The following FAM98B variants were observed in gnomAD, a reference collection of about 807,000 sequenced individuals.
FAM98B encodes the protein tRNA splicing ligase complex subunit 3B.
A neutral mutation model predicts 43.9 loss-of-function variants in FAM98B; 32 were observed. The ratio of observed to expected loss-of-function variants is 0.73; its 90% CI spans 0.55 to 0.98. The LOEUF (loss-of-function observed/expected upper bound fraction) is 0.98. Among genes scored for constraint, FAM98B ranks in the 50% least tolerant of loss-of-function variants. The probability of loss-of-function intolerance (pLI) is 0.00; values close to 1 mark genes in which losing one functional copy is unlikely to be tolerated. For synonymous variants in FAM98B, 190 were observed against 174.0 expected (o/e 1.09, Z -0.72); for missense variants, 514 against 522.9 (o/e 0.98, Z 0.17).
At chr15:38,466,144 T>C (rs1890027611) in intron 3 of FAM98B, among the ~76,000 whole-genome samples, 1 of 151,764 alleles carries the variant, frequency 6.6e-6, no homozygotes, top group Non-Finnish European at 1.5e-5. Flanking sequence ...TCCTAGGCGC[T>C]AGTGTTTTAA....
At chr15:38,463,615 G>T (rs568509886) in intron 1 of FAM98B, among the ~76,000 whole-genome samples, 2 of 151,910 alleles carry the variant, frequency 1.3e-5, no homozygotes, top group Non-Finnish European at 2.9e-5. Context: ...TTTTAAATTT[G>T]TAATTTGTGT....
intron 3 of FAM98B, among the ~76,000 whole-genome samples, chr15:38,466,731 A>G (rs1318600441): frequency 6.6e-6 from 1 of 152,156 alleles, no homozygotes; most frequent in Admixed American, 6.5e-5. Context: ...AATGATTAAA[A>G]TGGTAAATTT....
At chr15:38,476,269 GT>G (rs1342635001) in intron 6 of FAM98B, among the ~76,000 whole-genome samples, 1 of 151,878 alleles carries the variant, frequency 6.6e-6, no homozygotes, top group African/African-American at 2.4e-5. Context: ...GTGTTTTTGT[GT>G]GACCTGTTAT....
intron 3 of FAM98B, among the ~76,000 whole-genome samples, chr15:38,469,028 C>G (rs534308481): frequency 3.3e-5 from 5 of 152,304 alleles, no homozygotes; most frequent in South Asian, 2.1e-4. Context: ...GCCTCAGCCT[C>G]CCTAGTAGCT....
At chr15:38,470,439 A>G in intron 4 of FAM98B, 34 bp downstream of exon 4, 4 of 1,539,684 alleles carry the variant, frequency 2.6e-6, no homozygotes, top group African/African-American at 1.4e-5. Flanking sequence ...CCAAAATTCA[A>G]CTGAATGGTA....
Position 38,473,601 on chromosome 15 carries a change from T to A in FAM98B, c.612+16T>A. The stretch of plus-strand genomic sequence containing the variant: ...AGAACAGGCGGTAAATCCCCCTTTT[T>A]GTTATTAGTTTTATGTAATTACATT... On this transcript the variant is annotated intron_variant, in intron 5 of 7. Transcript: ENST00000397609. The A allele has an allele frequency of 6.3e-7, 1 of 1,591,508 alleles. No homozygotes were observed. The highest frequency in any genetic ancestry group is 8.6e-7 in the Non-Finnish European group (1 of 1,167,844).
intron 4 of FAM98B, among the ~76,000 whole-genome samples, chr15:38,471,682 A>G (rs1253273225): frequency 6.6e-6 from 1 of 152,132 alleles, no homozygotes; most frequent in Non-Finnish European, 1.5e-5. Flanking sequence ...AACCAAAAGT[A>G]AACATTTTCA....
intron 2 of FAM98B, among the ~76,000 whole-genome samples, chr15:38,464,983 G>A (rs1277357199): frequency 6.6e-6 from 1 of 152,134 alleles, no homozygotes; most frequent in Non-Finnish European, 1.5e-5. Context: ...ATTACATTAT[G>A]AAATAAAGAT....
intron 6 of FAM98B, 122 bp from the exon 7 acceptor site, chr15:38,481,170 C>T (rs1479587863): frequency 2.7e-6 from 2 of 742,768 alleles, no homozygotes; most frequent in Non-Finnish European, 4.3e-6. Flanking sequence ...GGTGTTTTTG[C>T]TCTTTTCTAA....
At chr15:38,476,780 C>T (rs1369020217) in intron 6 of FAM98B, among the ~76,000 whole-genome samples, 2 of 151,408 alleles carry the variant, frequency 1.3e-5, no homozygotes, top group African/African-American at 2.4e-5. Flanking sequence ...TGGTCTCTCC[C>T]ATGTCGGTGG....
intron 6 of FAM98B, among the ~76,000 whole-genome samples, chr15:38,476,261 G>A (rs1383423770): frequency 6.6e-6 from 1 of 151,990 alleles, no homozygotes; most frequent in Non-Finnish European, 1.5e-5. Flanking sequence ...CATTCTCTGT[G>A]TTTTTGTGTG....
chr15:38,457,957 CTT>C (rs569455316), intron 1 of FAM98B, among the ~76,000 whole-genome samples: 38 of 138,110 alleles, frequency 2.8e-4, no homozygotes, highest in South Asian at 1.2e-3. Context: ...AACAATCTTA[CTT>C]TTTTTTTTTT....
chr15:38,464,212 A>C (rs2141054040), intron 2 of FAM98B, 35 bp downstream of exon 2: 1 of 1,562,304 alleles, frequency 6.4e-7, no homozygotes, highest in East Asian at 2.3e-5. Flanking sequence ...TTTTCTGTTT[A>C]ATAGTAAACT....
chr15:38,475,867 T>C (rs1017113539), intron 6 of FAM98B, among the ~76,000 whole-genome samples: 2 of 94,212 alleles, frequency 2.1e-5, no homozygotes, highest in African/African-American at 7.4e-5. Flanking sequence ...GATAAAATGC[T>C]TTTTTTTAAA....
intron 4 of FAM98B, among the ~76,000 whole-genome samples, chr15:38,470,863 A>G (rs879673980): frequency 6.6e-6 from 1 of 152,124 alleles, no homozygotes; most frequent in Non-Finnish European, 1.5e-5. Context: ...TAAGTGCATT[A>G]TATAATGAAT....
At chr15:38,474,438 C>G (rs1231678047) in intron 6 of FAM98B, 140 bp downstream of exon 6, 1 of 563,156 alleles carries the variant, frequency 1.8e-6, no homozygotes, top group East Asian at 2.6e-5. Context: ...ACTGGTCTTA[C>G]AAGATGATCC....
At chr15:38,464,228 C>T (rs1268373694) in intron 2 of FAM98B, 51 bp downstream of exon 2, 3 of 1,509,442 alleles carry the variant, frequency 2.0e-6, no homozygotes, top group Non-Finnish European at 2.7e-6. Context: ...AAACTGATAA[C>T]TTACGGTTTA....
intron 6 of FAM98B, among the ~76,000 whole-genome samples, chr15:38,479,498 A>G (rs989562895): frequency 6.6e-6 from 1 of 152,286 alleles, no homozygotes; most frequent in Admixed American, 6.5e-5. Flanking sequence ...GGAATCATAC[A>G]ATATGTGGCT....
intron 5 of FAM98B, among the ~76,000 whole-genome samples, chr15:38,473,804 C>T (rs1160821088): frequency 1.3e-5 from 2 of 152,136 alleles, no homozygotes; most frequent in Non-Finnish European, 2.9e-5. Flanking sequence ...GCTCAATGTG[C>T]TAGCACAGTT....
Sources: allele counts gnomAD v4.1 joint callset (sites outside exome capture counted in the v4.1 genomes callset), GRCh38; gene constraint gnomAD v4.1.1; transcripts MANE v1.5; gene names NCBI Gene and HGNC (gene_info 2026-07-23, HGNC 2026-07-21).